The following SYT14 variants were observed in gnomAD, a reference collection of about 807,000 sequenced individuals.
The protein encoded by SYT14 is synaptotagmin-14.
Under a neutral mutation model 74.2 loss-of-function variants are expected in SYT14, and 32 were observed. That is an observed-to-expected ratio of 0.43 (90% CI 0.33 to 0.58). SYT14 has a LOEUF of 0.58. Ranked by LOEUF, SYT14 falls within the 20% of genes least tolerant of loss-of-function variation. The pLI, the probability that SYT14 is intolerant of heterozygous loss-of-function variation, is 0.05. For synonymous variants in SYT14, 298 were observed against 337.7 expected, an observed-to-expected ratio of 0.88 and a Z score of 1.29; for missense variants, 791 against 981.8, an observed-to-expected ratio of 0.81 and a Z score of 2.60.
chr1:210,053,366 C>T (rs979200504), intron 5 of SYT14, among the ~76,000 whole-genome samples: 2 of 152,166 alleles, frequency 1.3e-5, no homozygotes, highest in African/African-American at 4.8e-5. Flanking sequence ...AAATATAAGA[C>T]TGAAAAGTTA....
At chr1:210,011,632 A>G (rs182700218) in intron 2 of SYT14, among the ~76,000 whole-genome samples, 3 of 152,340 alleles carry the variant, frequency 2.0e-5, no homozygotes, top group Admixed American at 6.5e-5. Flanking sequence ...GTTTTTATAA[A>G]TAATGAAAAA....
At chr1:210,021,480 T>C (rs2080301870) in intron 5 of SYT14, among the ~76,000 whole-genome samples, 1 of 152,156 alleles carries the variant, frequency 6.6e-6, no homozygotes, top group Non-Finnish European at 1.5e-5. Flanking sequence ...TTACGTAATG[T>C]GTTAATTGTA....
At chr1:210,129,672 G>A (rs961680426) in intron 7 of SYT14, among the ~76,000 whole-genome samples, 1 of 152,176 alleles carries the variant, frequency 6.6e-6, no homozygotes, top group African/African-American at 2.4e-5. Flanking sequence ...TAATCAGTTT[G>A]ATGCTGCATC....
At chr1:210,003,333 A>G (rs1021855569) in intron 2 of SYT14, among the ~76,000 whole-genome samples, 1 of 152,100 alleles carries the variant, frequency 6.6e-6, no homozygotes, top group African/African-American at 2.4e-5. Flanking sequence ...TATCTGGTAG[A>G]GTTTCCTCCC....
At chr1:209,991,228 T>G (rs1223120125) in intron 2 of SYT14, among the ~76,000 whole-genome samples, 1 of 152,140 alleles carries the variant, frequency 6.6e-6, no homozygotes, top group Non-Finnish European at 1.5e-5. Context: ...AGACCAAGAA[T>G]TCATGACTGA....
chr1:209,976,850 G>C (rs572927465), intron 2 of SYT14, among the ~76,000 whole-genome samples: 2 of 152,208 alleles, frequency 1.3e-5, no homozygotes, highest in African/African-American at 4.8e-5. Flanking sequence ...AAGTCTCTTT[G>C]TAGGTCTCTA....
chr1:209,969,071 G>A (rs187094404), intron 2 of SYT14, among the ~76,000 whole-genome samples: 49 of 152,136 alleles, frequency 3.2e-4, no homozygotes, highest in African/African-American at 1.2e-3. Flanking sequence ...TGTAGAGGAC[G>A]TGATTTCATT....
At chr1:210,132,618 T>C (rs1217410546) in intron 7 of SYT14, among the ~76,000 whole-genome samples, 2 of 150,890 alleles carry the variant, frequency 1.3e-5, no homozygotes, top group Admixed American at 6.7e-5. Flanking sequence ...CACTAACTTA[T>C]ATTGACCATT....
chr1:209,947,738 G>A (rs1400418228), intron 1 of SYT14, among the ~76,000 whole-genome samples: 3 of 152,170 alleles, frequency 2.0e-5, no homozygotes, highest in Admixed American at 6.5e-5. Context: ...AGTTTTTAAA[G>A]TTCTACTGTG....
At chr1:210,159,974 A>G (rs559622896) in intron 9 of SYT14, among the ~76,000 whole-genome samples, 1 of 152,318 alleles carries the variant, frequency 6.6e-6, no homozygotes, top group African/African-American at 2.4e-5. Flanking sequence ...AAAATAGTTC[A>G]GATATCATTC....
intron 2 of SYT14, among the ~76,000 whole-genome samples, chr1:210,013,185 C>T (rs565478248): frequency 1.1e-4 from 16 of 150,784 alleles, no homozygotes; most frequent in Admixed American, 3.5e-4. Flanking sequence ...ATTCTCATGC[C>T]GTAGCCACCC....
At chr1:210,107,684 A>C (rs1328187352) in intron 7 of SYT14, among the ~76,000 whole-genome samples, 2 of 152,202 alleles carry the variant, frequency 1.3e-5, no homozygotes, top group Non-Finnish European at 2.9e-5. Flanking sequence ...AAGTTCAACT[A>C]TTCATTTTAT....
chr1:210,002,035 G>A (rs140504896), intron 2 of SYT14, among the ~76,000 whole-genome samples: 1 of 152,302 alleles, frequency 6.6e-6, no homozygotes, highest in Non-Finnish European at 1.5e-5. Flanking sequence ...ATTAGACTGA[G>A]AGGGACAAGA....
chr1:210,130,332 A>G (rs1304417145), intron 7 of SYT14, among the ~76,000 whole-genome samples: 1 of 152,216 alleles, frequency 6.6e-6, no homozygotes, highest in Non-Finnish European at 1.5e-5. Flanking sequence ...AAACATTTTA[A>G]GATGGATTAA....
At chr1:210,162,862 T>C (rs2083401112) in exon 10 of SYT14, 1 of 453,384 alleles carries the variant, frequency 2.2e-6, no homozygotes, top group Non-Finnish European at 4.4e-6. Context: ...GGTTTGAGAA[T>C]GTGTGTTACA....
At chr1:210,013,864 T>C in intron 3 of SYT14, 67 bp downstream of exon 3, 4 of 1,488,680 alleles carry the variant, frequency 2.7e-6, no homozygotes, top group Non-Finnish European at 3.6e-6. Context: ...CTTATTTTAA[T>C]ATATGCAATA....
At chr1:210,038,560 A>G (rs570021237) in intron 5 of SYT14, among the ~76,000 whole-genome samples, 3 of 152,204 alleles carry the variant, frequency 2.0e-5, no homozygotes, top group South Asian at 2.1e-4. Context: ...GTGAGTATCA[A>G]TCTTTCATTT....
At chr1:209,940,258 G>A (rs1025548355) in intron 1 of SYT14, among the ~76,000 whole-genome samples, 5 of 152,118 alleles carry the variant, frequency 3.3e-5, no homozygotes, top group Non-Finnish European at 7.4e-5. Flanking sequence ...ATGAGACTCT[G>A]TACTAAGGAC....
chr1:210,017,353 C>G lies in SYT14; in HGVS notation c.1096+254C>G, dbSNP rs145803048. 2.4e-3 allele frequency among the ~76,000 whole-genome samples: 372 copies of G among 152,058 alleles called. 1 individual carries two copies. The highest frequency in any genetic ancestry group is 5.5e-3 in the African/African-American group (227 of 41,496). On this transcript the variant is annotated intron_variant, in intron 4 of 9. Coordinates refer to ENST00000637265, the Ensembl canonical transcript of SYT14. ...ATTATTTGGCCAACTTTTCAGCAGC[C>G]CTAGTTTTTCTTAATGTCCATTTAT...
Sources: gnomAD v4.1 joint callset for allele counts (sites outside exome capture counted in the v4.1 genomes callset) on GRCh38, gnomAD v4.1.1 for gene constraint, MANE v1.5 for transcripts, NCBI Gene and HGNC (gene_info 2026-07-23, HGNC 2026-07-21) for gene names.